Variants in RGS5 observed in about 807,000 individuals in gnomAD.
The protein encoded by RGS5 is regulator of G-protein signalling 5.
Under a neutral mutation model 18.9 loss-of-function variants are expected in RGS5, and 20 were observed. The ratio of observed to expected loss-of-function variants is 1.06; its 90% CI spans 0.74 to 1.54. The LOEUF (loss-of-function observed/expected upper bound fraction) is 1.54. Among genes scored for constraint, RGS5 ranks in the 40% most tolerant of loss-of-function variants. RGS5 has a pLI of 0.00. For missense variants in RGS5, 201 were observed against 211.8 expected, an observed-to-expected ratio of 0.95 and a Z score of 0.32; for synonymous variants, 57 against 76.2, an observed-to-expected ratio of 0.75 and a Z score of 1.31.
chr1:163,202,980 C>A (rs367602581), upstream of RGS5: 5 of 699,550 alleles, frequency 7.1e-6, no homozygotes, highest in Non-Finnish European at 1.2e-5. Context: ...GCTCTTCCAG[C>A]CAATCCAGAG....
At chr1:163,152,058 A>T (rs530560380) in intron 4 of RGS5, among the ~76,000 whole-genome samples, 1 of 152,146 alleles carries the variant, frequency 6.6e-6, no homozygotes, top group East Asian at 1.9e-4. Context: ...TTTGACTGAG[A>T]CCTATCACAA....
rs868624132 is a variant in RGS5 at position 163,148,379 on chromosome 1, G to A, written c.385-876C>T. Among the ~76,000 whole-genome samples, 53 of 152,216 alleles carry A rather than the reference G, an allele frequency of 3.5e-4. No individual in the cohort carries two copies. The Middle Eastern group carries it at 0.01, about 29-fold the overall frequency. ...CTTGTTCTTTCCAAAAACAAACCAG[G>A]AAACAGTCATTCTGACAGAATAATA... On this transcript the variant is annotated intron_variant, in intron 4 of 4. Transcript: ENST00000313961.
At chr1:163,282,898 A>T (rs1649034162) in intron 2 of RGS5, among the ~76,000 whole-genome samples, 1 of 152,194 alleles carries the variant, frequency 6.6e-6, no homozygotes, top group African/African-American at 2.4e-5. Flanking sequence ...GACCATCTAC[A>T]GATGAATTGA....
intron 2 of RGS5, among the ~76,000 whole-genome samples, chr1:163,253,733 T>C (rs1471896929): frequency 1.3e-5 from 2 of 151,912 alleles, no homozygotes; most frequent in Admixed American, 6.6e-5. Context: ...ATGTGCCATG[T>C]TGGTGTGCTG....
chr1:163,176,791 C>G (rs1397746686), intron 1 of RGS5, among the ~76,000 whole-genome samples: 3 of 152,098 alleles, frequency 2.0e-5, no homozygotes, highest in Admixed American at 2.0e-4. Flanking sequence ...AAGGTCCTCT[C>G]ATTGAGTTTA....
At chr1:163,161,722 T>G (rs112924108) in intron 3 of RGS5, 193 bp downstream of exon 3, 185 of 516,790 alleles carry the variant, frequency 3.6e-4, no homozygotes, top group African/African-American at 3.1e-3. Context: ...CATTCCCTCA[T>G]AGTGCCACAG....
chr1:163,221,586 T>C (rs1647228533), upstream of RGS5, among the ~76,000 whole-genome samples: 1 of 152,216 alleles, frequency 6.6e-6, no homozygotes, highest in African/African-American at 2.4e-5. Flanking sequence ...TAATGCAAGA[T>C]TATGAAGCTT....
chr1:163,181,824 G>A (rs1216852851), intron 1 of RGS5, among the ~76,000 whole-genome samples: 1 of 152,034 alleles, frequency 6.6e-6, no homozygotes, highest in Non-Finnish European at 1.5e-5. Context: ...TAGATGATAA[G>A]ACCACAGCTC....
chr1:163,227,098 T>A (rs1432017353), intron 2 of RGS5, among the ~76,000 whole-genome samples: 1 of 152,234 alleles, frequency 6.6e-6, no homozygotes, highest in Non-Finnish European at 1.5e-5. Context: ...CACACTTGTC[T>A]TTATTAGTCT....
intron 1 of RGS5, among the ~76,000 whole-genome samples, chr1:163,308,814 G>A (rs1292695173): frequency 6.6e-6 from 1 of 152,192 alleles, no homozygotes; most frequent in Non-Finnish European, 1.5e-5. Context: ...CTGCAATAAA[G>A]TGAGTATCAC....
chr1:163,272,769 C>G (rs1218160417), intron 2 of RGS5, among the ~76,000 whole-genome samples: 3 of 152,062 alleles, frequency 2.0e-5, no homozygotes, highest in Admixed American at 6.6e-5. Context: ...CTGATCTCAA[C>G]TCTTTTTCAT....
At chr1:163,161,783 C>T in intron 3 of RGS5, 132 bp downstream of exon 3, 1 of 663,584 alleles carries the variant, frequency 1.5e-6, no homozygotes, top group Non-Finnish European at 2.6e-6. Context: ...GCCCCCTTCC[C>T]TTATTGATAT....
chr1:163,167,466 C>T (rs558509304), intron 2 of RGS5, among the ~76,000 whole-genome samples: 2 of 152,188 alleles, frequency 1.3e-5, no homozygotes, highest in African/African-American at 2.4e-5. Flanking sequence ...TGCTGGGAGT[C>T]GTGTTCCTGA....
chr1:163,230,234 C>A (rs1647441643), intron 2 of RGS5, among the ~76,000 whole-genome samples: 1 of 152,156 alleles, frequency 6.6e-6, no homozygotes, highest in Admixed American at 6.5e-5. Context: ...GAAAAGAGAT[C>A]TTTGTACTTC....
chr1:163,231,160 T>G (rs1043839386), intron 2 of RGS5, among the ~76,000 whole-genome samples: 5 of 152,160 alleles, frequency 3.3e-5, no homozygotes, highest in African/African-American at 7.2e-5. Context: ...CAGAGAAACT[T>G]TTCCCACATT....
intron 2 of RGS5, among the ~76,000 whole-genome samples, chr1:163,301,321 G>A (rs1233485605): frequency 1.4e-5 from 2 of 148,042 alleles, no homozygotes; most frequent in African/African-American, 2.5e-5. Flanking sequence ...TCAGAAACGG[G>A]CAATTATCCA....
At chr1:163,211,170 T>C (rs1660093403) in intron 1 of RGS5, 1 of 152,152 alleles carries the variant, frequency 6.6e-6, no homozygotes, top group Non-Finnish European at 1.5e-5. Flanking sequence ...TGCTAGTGAA[T>C]GGGAGTTGAG....
intron 2 of RGS5, among the ~76,000 whole-genome samples, chr1:163,283,485 T>A (rs12735385): frequency 0.14 from 20,573 of 152,158 alleles, 1,857 homozygotes; most frequent in Non-Finnish European, 0.19. Context: ...TAGTACAGAT[T>A]CTGTGATGTG....
intron 1 of RGS5, among the ~76,000 whole-genome samples, chr1:163,210,365 T>C (rs1283148396): frequency 2.0e-5 from 3 of 152,238 alleles, no homozygotes; most frequent in Non-Finnish European, 1.5e-5. Flanking sequence ...TTAATGACTA[T>C]ACATTTTACT....
Sources: allele counts gnomAD v4.1 joint callset (sites outside exome capture counted in the v4.1 genomes callset), GRCh38; gene constraint gnomAD v4.1.1; transcripts MANE v1.5; gene names NCBI Gene and HGNC (gene_info 2026-07-23, HGNC 2026-07-21).